Variants in PLEKHM3 observed in about 807,000 individuals in gnomAD.
The protein encoded by PLEKHM3 is pleckstrin homology domain-containing family M member 3.
Under a neutral mutation model 81.8 loss-of-function variants are expected in PLEKHM3, and 45 were observed. The observed-to-expected ratio is 0.55, with a 90% CI of 0.43 to 0.71. The LOEUF (loss-of-function observed/expected upper bound fraction) is 0.71, where lower values mean the gene tolerates loss of function less well. Among genes scored for constraint, PLEKHM3 ranks in the 30% least tolerant of loss-of-function variants. PLEKHM3 has a pLI of 0.00. For synonymous variants in PLEKHM3, 352 were observed against 356.4 expected (o/e 0.99, Z 0.14); for missense variants, 788 against 924.3 (o/e 0.85, Z 1.91).
chr2:207,892,624 C>G (rs1433464804), intron 6 of PLEKHM3, among the ~76,000 whole-genome samples: 1 of 152,164 alleles, frequency 6.6e-6, no homozygotes, highest in Non-Finnish European at 1.5e-5. Flanking sequence ...GATTGCCTCC[C>G]TCATCCTAAG....
At chr2:207,841,117 G>A (rs567209353) in intron 7 of PLEKHM3, among the ~76,000 whole-genome samples, 6 of 151,628 alleles carry the variant, frequency 4.0e-5, no homozygotes, top group African/African-American at 7.3e-5. Flanking sequence ...AACTCTTTAC[G>A]TATTTAAAAG....
chr2:207,946,469 C>T lies in PLEKHM3; in HGVS notation c.1590G>A (p.Val530=), dbSNP rs1259951153. The T allele has an allele frequency of 1.9e-6, 3 of 1,614,194 alleles. No homozygotes were observed. Among genetic ancestry groups the T allele is most frequent in the Non-Finnish European group, 2.5e-6 (3 of 1,180,034 alleles). ...AGTAATACCACCCACTGTAGTTGCA[C>T]ACCTTGGCTTTCCCATTGGAAAGAC... ...SIGLSNGKAK[V]CNYSGWYYCS... Residue 530 remains valine, a synonymous_variant, in exon 4 of 8, where the codon GTG becomes GTA. Transcript: ENST00000427836.
At chr2:207,944,547 A>T (rs530953060) in intron 4 of PLEKHM3, among the ~76,000 whole-genome samples, 1 of 152,344 alleles carries the variant, frequency 6.6e-6, no homozygotes, top group Non-Finnish European at 1.5e-5. Flanking sequence ...TTCTCTACGA[A>T]GTAGAAGATA....
intron 5 of PLEKHM3, among the ~76,000 whole-genome samples, chr2:207,913,985 A>G (rs1176810096): frequency 2.0e-5 from 3 of 152,048 alleles, no homozygotes; most frequent in Non-Finnish European, 4.4e-5. Context: ...ACACGCGCAC[A>G]CACACACCCC....
Position 207,928,007 on chromosome 2 carries a change from A to T in PLEKHM3, c.1886+2919T>A, listed in dbSNP as rs543420516. ...TTAAATTTTTTAATAAAAAAGATTT[A>T]AAAAAAATTCAATAACATCCCCCCT... is the stretch of plus-strand genomic sequence containing the variant. On this transcript the variant is annotated intron_variant, in intron 5 of 7. Coordinates refer to ENST00000427836, the MANE Select transcript of PLEKHM3 (RefSeq NM_001080475.3). 2.2e-3 allele frequency among the ~76,000 whole-genome samples: 338 copies of T among 152,256 alleles called. 2 individuals are homozygous for T. Among genetic ancestry groups the T allele is most frequent in the African/African-American group, 7.4e-3 (307 of 41,564 alleles).
chr2:207,969,659 A>T (rs1400792361), intron 3 of PLEKHM3, among the ~76,000 whole-genome samples: 3 of 152,244 alleles, frequency 2.0e-5, no homozygotes, highest in African/African-American at 7.2e-5. Flanking sequence ...TTGAGCATAT[A>T]TAACTAGGAG....
chr2:208,023,208 A>G (rs964316796), intron 1 of PLEKHM3, among the ~76,000 whole-genome samples: 5 of 151,386 alleles, frequency 3.3e-5, no homozygotes, highest in African/African-American at 1.2e-4. Context: ...GCGTGGCGTA[A>G]TCATACCTCA....
chr2:207,986,295 ACTC>A (rs1266167218), intron 2 of PLEKHM3, among the ~76,000 whole-genome samples: 2 of 152,208 alleles, frequency 1.3e-5, no homozygotes, highest in Non-Finnish European at 2.9e-5. Context: ...TGGATGGAGT[ACTC>A]GTAAGACTGC....
intron 5 of PLEKHM3, among the ~76,000 whole-genome samples, chr2:207,925,769 C>T (rs75600518): frequency 0.015 from 2,336 of 152,284 alleles, 53 homozygotes; most frequent in African/African-American, 0.053. Flanking sequence ...TGTACCGCAA[C>T]TGCCTGAGGG....
intron 3 of PLEKHM3, 68 bp from the exon 4 acceptor site, chr2:207,946,580 G>A: frequency 6.4e-7 from 1 of 1,550,750 alleles, no homozygotes; most frequent in Non-Finnish European, 8.7e-7. Context: ...CAAGGTTATA[G>A]AGCTCTAACA....
intron 2 of PLEKHM3, among the ~76,000 whole-genome samples, chr2:207,977,901 A>G (rs1691374938): frequency 6.6e-6 from 1 of 152,138 alleles, no homozygotes; most frequent in African/African-American, 2.4e-5. Context: ...AACCTAGGCA[A>G]CATAGTGAGA....
rs1174511418 is a variant in PLEKHM3 at position 207,914,194 on chromosome 2, A to T, written c.1887-5617T>A. Reference sequence around the variant, plus strand: ...ATAGCAAGACCCTATCTCTAAAAAAAATACAAAAATTAGCTGGGGGGCCGG... The same window carrying T: ...ATAGCAAGACCCTATCTCTAAAAAATATACAAAAATTAGCTGGGGGGCCGG... On this transcript the variant is annotated intron_variant, in intron 5 of 7. Coordinates refer to ENST00000427836, the MANE Select transcript of PLEKHM3 (RefSeq NM_001080475.3). 7.2e-5 allele frequency among the ~76,000 whole-genome samples: 11 copies of T among 152,148 alleles called. 1 individual carries two copies. In the South Asian group the frequency reaches 1.2e-3, roughly 17 times the overall value.
At chr2:207,858,843 C>A (rs56112638) in intron 7 of PLEKHM3, among the ~76,000 whole-genome samples, 47,284 of 151,842 alleles carry the variant, frequency 0.31, 7,502 homozygotes, top group Non-Finnish European at 0.36. Flanking sequence ...AAAGTATATA[C>A]AATTCACTAA....
At chr2:207,891,913 A>G (rs1688072083) in intron 6 of PLEKHM3, among the ~76,000 whole-genome samples, 1 of 152,212 alleles carries the variant, frequency 6.6e-6, no homozygotes, top group Non-Finnish European at 1.5e-5. Flanking sequence ...AGCACGCCTG[A>G]GAACTAAGTA....
chr2:207,831,644 C>T (rs1260061501), intron 7 of PLEKHM3, among the ~76,000 whole-genome samples: 2 of 152,188 alleles, frequency 1.3e-5, no homozygotes, highest in Non-Finnish European at 2.9e-5. Flanking sequence ...GCGACGCCGC[C>T]CCTCACAGGT....
intron 6 of PLEKHM3, among the ~76,000 whole-genome samples, chr2:207,882,739 T>C (rs1354290132): frequency 6.6e-6 from 1 of 151,852 alleles, no homozygotes; most frequent in South Asian, 2.1e-4. Flanking sequence ...GCAGACTACA[T>C]ATATGTCTAA....
At chr2:207,909,816 C>T (rs1688755258) in intron 5 of PLEKHM3, among the ~76,000 whole-genome samples, 1 of 152,208 alleles carries the variant, frequency 6.6e-6, no homozygotes, top group East Asian at 1.9e-4. Flanking sequence ...TAATCTTGCT[C>T]ACTGGGAAAA....
At chr2:207,975,788 G>C (rs1691288733) in intron 3 of PLEKHM3, among the ~76,000 whole-genome samples, 1 of 151,406 alleles carries the variant, frequency 6.6e-6, no homozygotes, top group Non-Finnish European at 1.5e-5. Flanking sequence ...GTAGAGATGG[G>C]GTTTCACTAT....
chr2:207,899,862 G>C (rs1429616883), intron 6 of PLEKHM3, among the ~76,000 whole-genome samples: 3 of 152,128 alleles, frequency 2.0e-5, no homozygotes, highest in Non-Finnish European at 4.4e-5. Flanking sequence ...TGGCCTCAAA[G>C]TTCTCTTCCT....
Sources: gnomAD v4.1 joint callset for allele counts (sites outside exome capture counted in the v4.1 genomes callset) on GRCh38, gnomAD v4.1.1 for gene constraint, MANE v1.5 for transcripts, NCBI Gene and HGNC (gene_info 2026-07-23, HGNC 2026-07-21) for gene names.